The following ZBTB20 variants were observed in gnomAD, a reference collection of about 807,000 sequenced individuals.
ZBTB20 encodes the protein zinc finger and BTB domain containing 20.
In ZBTB20, 9 loss-of-function variants were observed where a neutral mutation model predicts 56.9. That is an observed-to-expected ratio of 0.16 (90% CI 0.10 to 0.28). The LOEUF (loss-of-function observed/expected upper bound fraction) is 0.28. Ranked by LOEUF, ZBTB20 falls within the 10% of genes least tolerant of loss-of-function variation. The probability of loss-of-function intolerance (pLI) is 1.00; values close to 1 mark genes in which losing one functional copy is unlikely to be tolerated. For missense variants in ZBTB20, 655 were observed against 1,003.0 expected (o/e 0.65, Z 4.69); for synonymous variants, 417 against 420.7 (o/e 0.99, Z 0.11).
intron 8 of ZBTB20, among the ~76,000 whole-genome samples, chr3:114,385,738 A>C (rs772696438): frequency 6.6e-6 from 1 of 152,118 alleles, no homozygotes; most frequent in Non-Finnish European, 1.5e-5. Flanking sequence ...ATGGTGGTGC[A>C]TGCCTGTAGT....
At chr3:115,036,862 C>T (rs554600188) in intron 2 of ZBTB20, among the ~76,000 whole-genome samples, 32 of 152,212 alleles carry the variant, frequency 2.1e-4, no homozygotes, top group Non-Finnish European at 3.4e-4. Flanking sequence ...CATAGGAACC[C>T]ATACAGAACT....
rs113343858 is a variant in ZBTB20 at position 114,735,586 on chromosome 3, G to A, written c.-342-42011C>T. ...AGTCACGTTGCCTTAAACTTATCCAGTACATGAAATTTATCACCCTCAAAG... is the reference window on the plus strand; with the variant it reads ...AGTCACGTTGCCTTAAACTTATCCAATACATGAAATTTATCACCCTCAAAG... On this transcript the variant is annotated intron_variant, in intron 5 of 11. Coordinates refer to ENST00000675478, the MANE Select transcript of ZBTB20 (RefSeq NM_001348800.3). 9.7e-4 allele frequency among the ~76,000 whole-genome samples: 147 copies of A among 152,076 alleles called. 1 individual carries two copies. The highest frequency in any genetic ancestry group is 3.3e-3 in the African/African-American group (135 of 41,498).
intron 2 of ZBTB20, among the ~76,000 whole-genome samples, chr3:115,043,764 A>G (rs2081238153): frequency 6.6e-6 from 1 of 152,178 alleles, no homozygotes; most frequent in South Asian, 2.1e-4. Context: ...CCTTGCACTC[A>G]TAAGCCCTTA....
chr3:114,376,651 G>A (rs1324181873), intron 10 of ZBTB20, among the ~76,000 whole-genome samples: 1 of 152,154 alleles, frequency 6.6e-6, no homozygotes, highest in African/African-American at 2.4e-5. Context: ...TACCTACGGA[G>A]CTAAAGTTAA....
chr3:114,984,764 A>T (rs369572812), intron 2 of ZBTB20, among the ~76,000 whole-genome samples: 35 of 152,176 alleles, frequency 2.3e-4, no homozygotes, highest in African/African-American at 7.9e-4. Context: ...ACCTAAGAAA[A>T]CAAACAAGGA....
intron 7 of ZBTB20, among the ~76,000 whole-genome samples, chr3:114,484,803 G>GTT (rs2041932921): frequency 6.7e-6 from 1 of 149,760 alleles, no homozygotes; most frequent in African/African-American, 2.5e-5. Flanking sequence ...AATAGAGTGT[G>GTT]TGTGTGTGTG....
intron 7 of ZBTB20, among the ~76,000 whole-genome samples, chr3:114,421,524 G>T (rs113760698): frequency 0.01 from 1,550 of 152,242 alleles, 22 homozygotes; most frequent in African/African-American, 0.035. Flanking sequence ...TTTGTACTGG[G>T]TCATGCCGTA....
intron 6 of ZBTB20, among the ~76,000 whole-genome samples, chr3:114,553,965 G>A (rs1298473170): frequency 2.0e-5 from 3 of 152,154 alleles, no homozygotes; most frequent in African/African-American, 7.2e-5. Flanking sequence ...GTACAGATGA[G>A]CTTGTGATAA....
intron 4 of ZBTB20, among the ~76,000 whole-genome samples, chr3:114,837,840 C>A (rs1240412949): frequency 1.3e-5 from 2 of 148,788 alleles, no homozygotes; most frequent in African/African-American, 5.0e-5. Flanking sequence ...TTAGAAGCTG[C>A]CTATTATAAT....
chr3:114,694,086 C>T (rs368289526), intron 5 of ZBTB20, among the ~76,000 whole-genome samples: 12 of 152,058 alleles, frequency 7.9e-5, no homozygotes, highest in African/African-American at 2.4e-4. Context: ...TATTTACCCT[C>T]GGTTTCATGA....
chr3:114,628,866 T>G (rs895618883), intron 6 of ZBTB20, among the ~76,000 whole-genome samples: 2 of 152,190 alleles, frequency 1.3e-5, no homozygotes, highest in Non-Finnish European at 2.9e-5. Flanking sequence ...GATAGACTGT[T>G]AACACTTTGG....
rs572014695 is a variant in ZBTB20 at position 114,615,651 on chromosome 3, C to T, written c.-295+77877G>A. Among the ~76,000 whole-genome samples the T allele has an allele frequency of 5.9e-5, 9 of 152,234 alleles. 1 individual carries two copies. Among genetic ancestry groups the T allele is most frequent in the Admixed American group, 4.6e-4 (7 of 15,302 alleles). ...TGATCGTCAATGAATAATATAACTG[C>T]GTTTAGCCCTTAAGCCTGTATCAGC... is the stretch of plus-strand genomic sequence containing the variant. On this transcript the variant is annotated intron_variant, in intron 6 of 11. Coordinates refer to ENST00000675478, the MANE Select transcript of ZBTB20 (RefSeq NM_001348800.3).
intron 3 of ZBTB20, among the ~76,000 whole-genome samples, chr3:114,953,382 C>T (rs1576411822): frequency 6.6e-6 from 1 of 150,612 alleles, no homozygotes; most frequent in East Asian, 2.0e-4. Context: ...ACAATAATTA[C>T]ATTAAATGTA....
In ZBTB20 at chr3:114,336,032, G is replaced by A. The variant is rs1403855483; in HGVS notation, c.*2973C>T. On this transcript the variant is annotated 3_prime_UTR_variant, in exon 12 of 12. Transcript: ENST00000675478. ...ACACGTGGCCCATAATGGCACCTAA[G>A]ATCAACTTTTCAGGCGGTATTAGTG... 5 of 152,172 alleles carry A rather than the reference G, an allele frequency of 3.3e-5. No individual in the cohort carries two copies. The highest frequency in any genetic ancestry group is 7.4e-5 in the Non-Finnish European group (5 of 68,026). The allele number at this position is 152,172 out of a possible 1,614,324, so 9.4% of individuals were successfully genotyped here.
chr3:114,904,654 T>C (rs867168265), intron 3 of ZBTB20, among the ~76,000 whole-genome samples: 1 of 151,970 alleles, frequency 6.6e-6, no homozygotes, highest in Non-Finnish European at 1.5e-5. Context: ...CAGAAAGTCC[T>C]ATGAAGAGTA....
chr3:114,385,394 C>T (rs2084981459), intron 8 of ZBTB20, among the ~76,000 whole-genome samples: 1 of 152,162 alleles, frequency 6.6e-6, no homozygotes, highest in Non-Finnish European at 1.5e-5. Context: ...CTCTGAGCCT[C>T]ATTTTCCTCA....
chr3:114,665,392 G>C (rs2060991338), intron 6 of ZBTB20, among the ~76,000 whole-genome samples: 1 of 151,916 alleles, frequency 6.6e-6, no homozygotes. Context: ...TACACTCTAT[G>C]ATGTTTCCAC....
At chr3:114,491,855 TCTC>T (rs1207708619) in intron 7 of ZBTB20, among the ~76,000 whole-genome samples, 1 of 152,114 alleles carries the variant, frequency 6.6e-6, no homozygotes, top group Non-Finnish European at 1.5e-5. Flanking sequence ...CTTCTCATTC[TCTC>T]CTCATCCCAT....
intron 4 of ZBTB20, among the ~76,000 whole-genome samples, chr3:114,824,887 T>C (rs1434967053): frequency 6.6e-6 from 1 of 152,014 alleles, no homozygotes. Context: ...GCAGAAAAGT[T>C]TTCTAGCTAG....
Sources: allele counts gnomAD v4.1 joint callset (sites outside exome capture counted in the v4.1 genomes callset), GRCh38; gene constraint gnomAD v4.1.1; transcripts MANE v1.5; gene names NCBI Gene and HGNC (gene_info 2026-07-23, HGNC 2026-07-21).